Variants in PTPRN2 observed in about 807,000 individuals in gnomAD.
PTPRN2 encodes the protein receptor-type tyrosine-protein phosphatase N2.
PTPRN2 carries 74 observed loss-of-function variants against 118.8 expected under a neutral mutation model. The observed-to-expected ratio is 0.62, with a 90% CI of 0.52 to 0.76. PTPRN2 has a LOEUF of 0.76. Ranked by LOEUF, PTPRN2 falls within the 30% of genes least tolerant of loss-of-function variation. The pLI, the probability that PTPRN2 is intolerant of heterozygous loss-of-function variation, is 0.00. For missense variants in PTPRN2, 1,481 were observed against 1,394.4 expected (o/e 1.06, Z -0.99); for synonymous variants, 641 against 608.0 (o/e 1.05, Z -0.80).
chr7:158,545,434 G>T (rs1306541963), intron 1 of PTPRN2, among the ~76,000 whole-genome samples: 1 of 152,208 alleles, frequency 6.6e-6, no homozygotes, highest in African/African-American at 2.4e-5. Flanking sequence ...TTCTCAAGTA[G>T]AACTGTCCCT....
intron 3 of PTPRN2, among the ~76,000 whole-genome samples, chr7:158,301,154 T>C (rs1800858983): frequency 6.6e-6 from 1 of 152,232 alleles, no homozygotes; most frequent in Non-Finnish European, 1.5e-5. Flanking sequence ...AAACATCTTA[T>C]ACTATAACTA....
intron 2 of PTPRN2, among the ~76,000 whole-genome samples, chr7:158,464,933 C>T (rs1168958181): frequency 1.3e-5 from 2 of 152,222 alleles, no homozygotes; most frequent in African/African-American, 4.8e-5. Flanking sequence ...TATCATTGAC[C>T]TTCAGATCAA....
rs367973323 is a variant in PTPRN2 at position 158,273,986 on chromosome 7, A to G, written c.277+42833T>C. On this transcript the variant is annotated intron_variant, in intron 3 of 22. Coordinates refer to ENST00000389418, the MANE Select transcript of PTPRN2 (RefSeq NM_002847.5). ...CAGACATGGGAGGAGCCGCAGACAC[A>G]GGGAGCCGCAGACACAGGGAGCCGC... 7.2e-4 allele frequency among the ~76,000 whole-genome samples: 63 copies of G among 87,006 alleles called. 1 individual carries two copies. The highest frequency in any genetic ancestry group is 2.4e-3 in the African/African-American group (48 of 20,288). The allele number at this position is 87,006 out of a possible 152,430, so 57.1% of individuals were successfully genotyped here. A position where few individuals can be genotyped will look rare whatever the true frequency, so the allele number is the denominator to read the frequency against.
chr7:157,889,907 T>G (rs1796699651), intron 12 of PTPRN2, among the ~76,000 whole-genome samples: 1 of 152,262 alleles, frequency 6.6e-6, no homozygotes. Flanking sequence ...AGCTGCTCTC[T>G]TATTCACCTG....
intron 12 of PTPRN2, among the ~76,000 whole-genome samples, chr7:157,814,030 C>T (rs956817008): frequency 9.2e-5 from 14 of 152,230 alleles, no homozygotes; most frequent in South Asian, 2.1e-4. Context: ...TTCAGAGCTG[C>T]GAGACTGTGC....
At chr7:158,257,890 C>T (rs192113523) in intron 3 of PTPRN2, among the ~76,000 whole-genome samples, 2 of 152,252 alleles carry the variant, frequency 1.3e-5, no homozygotes, top group Non-Finnish European at 2.9e-5. Flanking sequence ...GCTGACAGTA[C>T]CCTGGCTTCG....
intron 12 of PTPRN2, among the ~76,000 whole-genome samples, chr7:157,697,788 A>G (rs34022017): frequency 0.13 from 8,237 of 63,104 alleles, 1,042 homozygotes; most frequent in East Asian, 0.24. Flanking sequence ...AGCCCTCACC[A>G]TCTACCCATG....
Position 157,860,835 on chromosome 7 carries a change from G to A in PTPRN2, c.1788+37838C>T, listed in dbSNP as rs528795881. Among the ~76,000 whole-genome samples, 23 of 152,350 alleles carry A rather than the reference G, an allele frequency of 1.5e-4. No homozygotes were observed. In the South Asian group the frequency reaches 3.3e-3, roughly 22 times the overall value. On this transcript the variant is annotated intron_variant, in intron 12 of 22. Coordinates refer to ENST00000389418, the MANE Select transcript of PTPRN2 (RefSeq NM_002847.5). ...CAACCAGGGAAGGCCACTGACGGCC[G>A]GGGCTGGTCAGCTCAGGCAGCAGCT...
At position 158,565,403 on chromosome 7, in the gene PTPRN2, G is replaced by C. The variant is rs992993393; in HGVS notation, c.112+22155C>G. 6.6e-6 allele frequency among the ~76,000 whole-genome samples: 1 copy of C among 152,110 alleles called. No individual in the cohort carries two copies. ...GAGAGGTGAGACAGAGCCAGCTCTG[G>C]GCTGTGGCTGGTCATCTCAACCCCA... On this transcript the variant is annotated intron_variant, in intron 1 of 22. Transcript: ENST00000389418. The surrounding 1 kb of genome is among the most constrained non-coding windows in gnomAD (Gnocchi z 4.6).
chr7:157,580,053 C>T (rs73747257), intron 17 of PTPRN2, among the ~76,000 whole-genome samples: 6,173 of 152,274 alleles, frequency 0.041, 402 homozygotes, highest in African/African-American at 0.14. Flanking sequence ...GTAAAAATCC[C>T]AGTCGAGTAA....
At chr7:158,501,949 A>C (rs1320174436) in intron 1 of PTPRN2, among the ~76,000 whole-genome samples, 1 of 152,126 alleles carries the variant, frequency 6.6e-6, no homozygotes, top group Admixed American at 6.5e-5. Context: ...GATGCCTGCG[A>C]TGTCCGAACT....
At chr7:157,747,373 T>A (rs1801037875) in intron 12 of PTPRN2, among the ~76,000 whole-genome samples, 1 of 143,780 alleles carries the variant, frequency 7.0e-6, no homozygotes, top group South Asian at 2.3e-4. Context: ...GAGGCCTGCG[T>A]CCCTGAGCTG....
chr7:158,191,736 T>C (rs961545676), intron 5 of PTPRN2, among the ~76,000 whole-genome samples: 2 of 152,120 alleles, frequency 1.3e-5, no homozygotes, highest in Non-Finnish European at 2.9e-5. Flanking sequence ...TAAACACTCC[T>C]GGGGTTCGCC....
chr7:157,776,323 T>A (rs1161361650), intron 12 of PTPRN2, among the ~76,000 whole-genome samples: 1 of 130,770 alleles, frequency 7.6e-6, no homozygotes, highest in African/African-American at 3.1e-5. Flanking sequence ...CTCCCTCTCC[T>A]CCTCCTCCAT....
At chr7:158,275,193 CT>C (rs929925540) in intron 3 of PTPRN2, among the ~76,000 whole-genome samples, 3 of 151,744 alleles carry the variant, frequency 2.0e-5, no homozygotes, top group Non-Finnish European at 4.4e-5. Context: ...AGCACCGTGG[CT>C]GTGGGGACAG....
chr7:157,937,438 T>C (rs1357297714), intron 11 of PTPRN2, among the ~76,000 whole-genome samples: 2 of 152,212 alleles, frequency 1.3e-5, no homozygotes, highest in Admixed American at 6.5e-5. Flanking sequence ...GCCCTTGATG[T>C]CTGGAGCAGA....
At chr7:157,805,969 A>C (rs1409855015) in intron 12 of PTPRN2, among the ~76,000 whole-genome samples, 1 of 152,154 alleles carries the variant, frequency 6.6e-6, no homozygotes, top group Non-Finnish European at 1.5e-5. Context: ...GTGACGGCCC[A>C]GGTGGTTTTG....
chr7:158,123,158 G>C (rs1817313119), intron 9 of PTPRN2, among the ~76,000 whole-genome samples: 2 of 152,256 alleles, frequency 1.3e-5, no homozygotes, highest in South Asian at 4.2e-4. Flanking sequence ...AGGTTTCTTG[G>C]GATCAACCAA....
intron 7 of PTPRN2, 151 bp from the exon 8 acceptor site, chr7:158,136,846 C>T: frequency 1.4e-6 from 1 of 706,618 alleles, no homozygotes; most frequent in South Asian, 1.8e-5. Context: ...TAAACCTTTT[C>T]TGTTTATAGC....
Sources: allele counts gnomAD v4.1 joint callset (sites outside exome capture counted in the v4.1 genomes callset), GRCh38; gene constraint gnomAD v4.1.1; non-coding constraint Gnocchi (gnomAD v3.1); transcripts MANE v1.5; gene names NCBI Gene and HGNC (gene_info 2026-07-23, HGNC 2026-07-21).